Variants in LNP1 observed in about 807,000 individuals in gnomAD.
LNP1 encodes the protein leukemia NUP98 fusion partner 1.
Under a neutral mutation model 14.5 loss-of-function variants are expected in LNP1, and 12 were observed. The observed-to-expected ratio is 0.83, with a 90% CI of 0.53 to 1.34. The LOEUF (loss-of-function observed/expected upper bound fraction) is 1.34. LNP1 is among the 40% of genes most tolerant of loss of function. The probability of loss-of-function intolerance (pLI) is 0.00; values close to 1 mark genes in which losing one functional copy is unlikely to be tolerated. For missense variants in LNP1, 198 were observed against 210.9 expected (o/e 0.94, Z 0.38); for synonymous variants, 75 against 71.4 (o/e 1.05, Z -0.26).
Position 100,410,212 on chromosome 3 carries a change from G to T in LNP1, c.-34+7773G>T, listed in dbSNP as rs548998965. Among the ~76,000 whole-genome samples, 5 of 152,228 alleles carry T rather than the reference G, an allele frequency of 3.3e-5. No homozygotes were observed. The South Asian group carries it at 8.3e-4, about 25-fold the overall frequency. ...TGAGGGAAGTGTTGGTAGAAATATG[G>T]ATATTAAAAGAAATTTTGGTGAGGG... is the stretch of plus-strand genomic sequence containing the variant. On this transcript the variant is annotated intron_variant, in intron 1 of 3. Transcript: ENST00000383693.
intron 2 of LNP1, among the ~76,000 whole-genome samples, chr3:100,434,772 GC>G (rs1275639962): frequency 6.6e-6 from 1 of 150,520 alleles, no homozygotes; most frequent in East Asian, 1.9e-4. Context: ...CAGGTGATCT[GC>G]CCACCTCGGC....
intron 1 of LNP1, among the ~76,000 whole-genome samples, chr3:100,407,523 C>T (rs1033521410): frequency 6.6e-6 from 1 of 152,078 alleles, no homozygotes; most frequent in Non-Finnish European, 1.5e-5. Context: ...AGGATCCTGT[C>T]TTTGTCTTAG....
chr3:100,443,816 A>G (rs1707365090), intron 2 of LNP1, among the ~76,000 whole-genome samples: 1 of 152,246 alleles, frequency 6.6e-6, no homozygotes, highest in African/African-American at 2.4e-5. Context: ...AAATAACTGT[A>G]TTGCCATAAG....
chr3:100,449,401 G>A (rs1011982056), intron 2 of LNP1, among the ~76,000 whole-genome samples: 11 of 152,142 alleles, frequency 7.2e-5, no homozygotes, highest in African/African-American at 2.7e-4. Flanking sequence ...AAACTTGTCT[G>A]TTTACACTCC....
At chr3:100,430,002 T>A in intron 2 of LNP1, 117 bp downstream of exon 2, 1 of 998,652 alleles carries the variant, frequency 1.0e-6, no homozygotes, top group Non-Finnish European at 1.5e-6. Flanking sequence ...AACCAGTACT[T>A]CTGAGTCTTT....
In LNP1 at chr3:100,433,142, G is replaced by A. The variant is rs554317380; in HGVS notation, c.156+3257G>A. Among the ~76,000 whole-genome samples the A allele has an allele frequency of 3.9e-5, 6 of 152,244 alleles. No individual in the cohort carries two copies. The South Asian group carries it at 1.0e-3, about 26-fold the overall frequency. On this transcript the variant is annotated intron_variant, in intron 2 of 3. Coordinates refer to ENST00000383693, the MANE Select transcript of LNP1 (RefSeq NM_001085451.2). ...TGTACATGTGCCATGGTGGTTTGCT[G>A]CACCTACCAACCCGTCATCTAGGTT...
chr3:100,402,858 C>G (rs1706925932), intron 1 of LNP1, among the ~76,000 whole-genome samples: 1 of 152,190 alleles, frequency 6.6e-6, no homozygotes, highest in Non-Finnish European at 1.5e-5. Context: ...CTGTCCTCAG[C>G]TGCACAGTTC....
At chr3:100,426,741 G>A (rs1707196598) in intron 1 of LNP1, among the ~76,000 whole-genome samples, 1 of 151,964 alleles carries the variant, frequency 6.6e-6, no homozygotes, top group Non-Finnish European at 1.5e-5. Context: ...AATCAGTTAT[G>A]GAGATTTCAG....
At chr3:100,410,020 AATT>A (rs1707014458) in intron 1 of LNP1, among the ~76,000 whole-genome samples, 1 of 151,370 alleles carries the variant, frequency 6.6e-6, no homozygotes, top group Non-Finnish European at 1.5e-5. Context: ...ATCTGTCTAT[AATT>A]AGTCTTGTTT....
At chr3:100,439,635 GT>G (rs1462691674) in intron 2 of LNP1, among the ~76,000 whole-genome samples, 2 of 151,968 alleles carry the variant, frequency 1.3e-5, no homozygotes, top group Non-Finnish European at 2.9e-5. Flanking sequence ...AATATATATA[GT>G]TTTACCCCGT....
At chr3:100,454,005 C>T (rs1403887806) in intron 3 of LNP1, among the ~76,000 whole-genome samples, 1 of 152,138 alleles carries the variant, frequency 6.6e-6, no homozygotes, top group Non-Finnish European at 1.5e-5. Context: ...CCTTGTCTTT[C>T]ACGACATTAG....
intron 2 of LNP1, among the ~76,000 whole-genome samples, chr3:100,438,903 T>G (rs560049354): frequency 1.2e-3 from 179 of 152,308 alleles, no homozygotes; most frequent in Non-Finnish European, 1.2e-3. Flanking sequence ...TTTGGGACAT[T>G]GTTTTAGGTC....
chr3:100,441,497 T>C (rs920061952), intron 2 of LNP1, among the ~76,000 whole-genome samples: 1 of 152,178 alleles, frequency 6.6e-6, no homozygotes, highest in African/African-American at 2.4e-5. Flanking sequence ...GATCTCTTTT[T>C]ATTTGTGTGA....
At chr3:100,409,643 G>A (rs571839629) in intron 1 of LNP1, among the ~76,000 whole-genome samples, 1 of 146,498 alleles carries the variant, frequency 6.8e-6, no homozygotes, top group Non-Finnish European at 1.5e-5. Context: ...TATAGCCCAG[G>A]CCAGAGTGCA....
intron 2 of LNP1, among the ~76,000 whole-genome samples, chr3:100,442,420 CAGT>C (rs1707352866): frequency 6.6e-6 from 1 of 152,240 alleles, no homozygotes; most frequent in East Asian, 1.9e-4. Flanking sequence ...GGTCAGAGGA[CAGT>C]TTGGTTTTAT....
intron 1 of LNP1, among the ~76,000 whole-genome samples, chr3:100,426,961 ATC>A (rs1316155670): frequency 2.0e-5 from 3 of 152,012 alleles, no homozygotes; most frequent in Non-Finnish European, 2.9e-5. Flanking sequence ...ATTTTAAAAA[ATC>A]TCTCTTTTTT....
intron 2 of LNP1, among the ~76,000 whole-genome samples, chr3:100,451,389 A>G (rs150089447): frequency 0.012 from 1,876 of 152,286 alleles, 37 homozygotes; most frequent in African/African-American, 0.043. Flanking sequence ...TGGGTAGATA[A>G]GAGACAAATG....
At chr3:100,402,689 G>A (rs1706923616) in intron 1 of LNP1, among the ~76,000 whole-genome samples, 1 of 151,850 alleles carries the variant, frequency 6.6e-6, no homozygotes, top group South Asian at 2.1e-4. Flanking sequence ...GCCTCTTGGA[G>A]GATTGTAGAG....
At chr3:100,409,051 G>T (rs1382790138) in intron 1 of LNP1, among the ~76,000 whole-genome samples, 3 of 152,150 alleles carry the variant, frequency 2.0e-5, no homozygotes, top group African/African-American at 7.2e-5. Flanking sequence ...TGTTTTGGAT[G>T]AGATTGATAC....
Sources: gnomAD v4.1 joint callset for allele counts (sites outside exome capture counted in the v4.1 genomes callset) on GRCh38, gnomAD v4.1.1 for gene constraint, MANE v1.5 for transcripts, NCBI Gene and HGNC (gene_info 2026-07-23, HGNC 2026-07-21) for gene names.